The following DPH6 variants were observed in gnomAD, a reference collection of about 807,000 sequenced individuals.
DPH6 encodes the protein diphthamine biosynthesis 6.
DPH6 carries 33 observed loss-of-function variants against 38.2 expected under a neutral mutation model. The ratio of observed to expected loss-of-function variants is 0.86; its 90% confidence interval spans 0.65 to 1.15. The LOEUF is 1.15. Among genes scored for constraint, DPH6 ranks in the 50% most tolerant of loss-of-function variants. The probability of loss-of-function intolerance (pLI) is 0.00; values close to 1 mark genes in which losing one functional copy is unlikely to be tolerated. For synonymous variants in DPH6, 108 were observed against 103.0 expected, an observed-to-expected ratio of 1.05 and a Z score of -0.30; for missense variants, 325 against 320.0, an observed-to-expected ratio of 1.02 and a Z score of -0.12.
chr15:35,514,901 G>A (rs2054824102), intron 3 of DPH6, among the ~76,000 whole-genome samples: 2 of 152,048 alleles, frequency 1.3e-5, no homozygotes, highest in Admixed American at 6.6e-5. Flanking sequence ...AGACAAAGAA[G>A]GGCAGATGCC....
At chr15:35,332,696 A>G (rs2052334871) in intron 3 of DPH6, among the ~76,000 whole-genome samples, 3 of 152,116 alleles carry the variant, frequency 2.0e-5, no homozygotes. Context: ...AAATTATATA[A>G]AACATATGGA....
chr15:35,254,349 A>T (rs2051693666), intron 3 of DPH6, among the ~76,000 whole-genome samples: 1 of 152,230 alleles, frequency 6.6e-6, no homozygotes, highest in South Asian at 2.1e-4. Flanking sequence ...AAACTGATCA[A>T]CAACCAAACT....
At chr15:35,357,111 C>T (rs558704228) in intron 3 of DPH6, among the ~76,000 whole-genome samples, 4 of 152,240 alleles carry the variant, frequency 2.6e-5, no homozygotes, top group East Asian at 1.9e-4. Context: ...CCTGTTGTGC[C>T]GTTTGCTAAG....
chr15:35,423,971 G>C (rs2053538062), intron 5 of DPH6, among the ~76,000 whole-genome samples: 1 of 151,452 alleles, frequency 6.6e-6, no homozygotes. Flanking sequence ...CATTACCCTA[G>C]CTTTATAATA....
intron 4 of DPH6, among the ~76,000 whole-genome samples, chr15:35,452,249 T>C (rs2053945194): frequency 6.6e-6 from 1 of 152,182 alleles, no homozygotes; most frequent in Non-Finnish European, 1.5e-5. Flanking sequence ...AGGACTATAA[T>C]TGTTTAATGA....
chr15:35,534,117 C>T (rs1035995164), intron 3 of DPH6, among the ~76,000 whole-genome samples: 8 of 152,124 alleles, frequency 5.3e-5, no homozygotes, highest in African/African-American at 1.4e-4. Context: ...GTGGCTCATG[C>T]CTGTAATCCC....
chr15:35,487,098 C>T (rs182982337), intron 3 of DPH6, among the ~76,000 whole-genome samples: 48 of 152,306 alleles, frequency 3.2e-4, no homozygotes, highest in African/African-American at 9.1e-4. Flanking sequence ...CAGCTCTACC[C>T]CTGTGGATCT....
intron 3 of DPH6, among the ~76,000 whole-genome samples, chr15:35,298,075 C>T (rs2052027324): frequency 6.6e-6 from 1 of 151,962 alleles, no homozygotes; most frequent in Non-Finnish European, 1.5e-5. Context: ...GATTTTTATA[C>T]TATATTAAAA....
intron 5 of DPH6, among the ~76,000 whole-genome samples, chr15:35,415,304 C>T (rs1460452291): frequency 6.6e-6 from 1 of 151,776 alleles, no homozygotes; most frequent in Non-Finnish European, 1.5e-5. Flanking sequence ...ATTAGGGCAT[C>T]ATTTAAAAAG....
intron 3 of DPH6, among the ~76,000 whole-genome samples, chr15:35,339,802 G>C (rs964062817): frequency 6.6e-6 from 1 of 152,044 alleles, no homozygotes; most frequent in African/African-American, 2.4e-5. Flanking sequence ...TTTTACTTCC[G>C]ATTATGTGAT....
chr15:35,384,562 C>A (rs1595517905), intron 6 of DPH6, among the ~76,000 whole-genome samples: 1 of 152,148 alleles, frequency 6.6e-6, no homozygotes, highest in Non-Finnish European at 1.5e-5. Flanking sequence ...ACTCAGGAGG[C>A]TGAGGCAGGA....
chr15:35,466,553 C>G (rs1034849530), intron 3 of DPH6, among the ~76,000 whole-genome samples: 1 of 152,018 alleles, frequency 6.6e-6, no homozygotes. Context: ...AGAAAAAAAT[C>G]GTTTATGTAA....
chr15:35,439,814 C>A (rs967315112), intron 5 of DPH6, among the ~76,000 whole-genome samples: 2 of 151,984 alleles, frequency 1.3e-5, no homozygotes, highest in African/African-American at 4.8e-5. Context: ...ATCTGAGATT[C>A]CTTGTAGAAT....
At chr15:35,541,764 T>C (rs2055256433) in intron 2 of DPH6, among the ~76,000 whole-genome samples, 3 of 152,050 alleles carry the variant, frequency 2.0e-5, no homozygotes, top group Admixed American at 2.0e-4. Context: ...AAAAAGCAAA[T>C]TGGTGAATAT....
chr15:35,314,531 G>C (rs2052171558), intron 3 of DPH6, among the ~76,000 whole-genome samples: 1 of 152,146 alleles, frequency 6.6e-6, no homozygotes, highest in Non-Finnish European at 1.5e-5. Context: ...CCAGTGCAGT[G>C]GTGGTTCGAG....
chr15:35,320,720 C>T (rs964020301), intron 3 of DPH6, among the ~76,000 whole-genome samples: 1 of 152,138 alleles, frequency 6.6e-6, no homozygotes, highest in African/African-American at 2.4e-5. Context: ...TGGCCATCCA[C>T]CTTATCCTAT....
rs569034905 is a variant in DPH6, at chr15:35,241,591, C to T, written n.201-21009G>A. ...CCTGACTATTCCTGGATTATAGCCA[C>T]ATCTCATTGCTGCCCTTCTTCCCAA... On this transcript the variant is annotated intron_variant and non_coding_transcript_variant, in intron 3 of 3. Transcript: ENST00000560386. Among the ~76,000 whole-genome samples, 10 of 142,710 alleles carry T rather than the reference C, an allele frequency of 7.0e-5. 2 individuals are homozygous for T. In the South Asian group the frequency reaches 2.5e-3, roughly 35 times the overall value. 93.6% of individuals were successfully genotyped at this position (142,710 alleles called of 152,430 possible).
At chr15:35,167,195 T>C in the DPH6 span, among the ~76,000 whole-genome samples, 1 of 152,060 alleles carries the variant, frequency 6.6e-6, no homozygotes, top group Non-Finnish European at 1.5e-5. Flanking sequence ...CACAATTTTA[T>C]CTTTTTTAAA....
At chr15:35,210,203 C>A in the DPH6 span, among the ~76,000 whole-genome samples, 8 of 152,074 alleles carry the variant, frequency 5.3e-5, no homozygotes, top group African/African-American at 1.9e-4. Flanking sequence ...AAATTAAGGA[C>A]TAAAATAAGA....
Sources: allele counts gnomAD v4.1 joint callset (sites outside exome capture counted in the v4.1 genomes callset), GRCh38; gene constraint gnomAD v4.1.1; transcripts MANE v1.5; gene names NCBI Gene and HGNC (gene_info 2026-07-23, HGNC 2026-07-21).